FAM227B: variants seen among roughly 807,000 people sequenced by gnomAD.
FAM227B encodes the protein protein FAM227B.
FAM227B carries 88 observed loss-of-function variants against 73.8 expected under a neutral mutation model. The ratio of observed to expected loss-of-function variants is 1.19; its 90% CI spans 1.00 to 1.42. The LOEUF (loss-of-function observed/expected upper bound fraction) is 1.42, where lower values mean the gene tolerates loss of function less well. FAM227B is among the 40% of genes most tolerant of loss of function. The pLI is 0.00. For synonymous variants in FAM227B, 210 were observed against 190.5 expected (o/e 1.10, Z -0.84); for missense variants, 632 against 590.9 (o/e 1.07, Z -0.72).
chr15:49,512,754 C>T (rs2059101438), intron 10 of FAM227B, among the ~76,000 whole-genome samples: 1 of 152,066 alleles, frequency 6.6e-6, no homozygotes, highest in Non-Finnish European at 1.5e-5. Context: ...TCACCTCACC[C>T]TCTCCCCACT....
intron 9 of FAM227B, among the ~76,000 whole-genome samples, chr15:49,551,036 C>T (rs1054759541): frequency 1.3e-5 from 2 of 152,230 alleles, no homozygotes; most frequent in Admixed American, 1.3e-4. Flanking sequence ...TCCCGGCACC[C>T]CGGGAGGCCG....
Position 49,405,842 on chromosome 15 carries a change from G to A in FAM227B, c.1013-34443C>T, listed in dbSNP as rs528461437. The stretch of plus-strand genomic sequence containing the variant: ...GGCACTCTGGCTTTTTGAGTTGTCA[G>A]GGTTCTTGAGCTGGTTCTTTCTCAT... On this transcript the variant is annotated intron_variant, in intron 11 of 15. Coordinates refer to ENST00000299338, the MANE Select transcript of FAM227B (RefSeq NM_152647.3). Among the ~76,000 whole-genome samples the A allele has an allele frequency of 5.5e-4, 84 of 152,280 alleles. 1 individual carries two copies. The highest frequency in any genetic ancestry group is 4.8e-3 in the Admixed American group (73 of 15,294).
intron 9 of FAM227B, among the ~76,000 whole-genome samples, chr15:49,554,259 G>GGGTT (rs1297690188): frequency 1.3e-5 from 2 of 152,132 alleles, no homozygotes; most frequent in Admixed American, 6.5e-5. Context: ...GTGCAGCCTG[G>GGGTT]GGTTATGAGA....
intron 1 of FAM227B, 62 bp from the exon 2 acceptor site, chr15:49,615,305 C>T (rs2078218426): frequency 1.3e-6 from 1 of 761,774 alleles, no homozygotes; most frequent in Admixed American, 1.9e-5. Context: ...TCCCTTTCCC[C>T]TCACCCACAA....
chr15:49,544,172 C>A (rs1019865141), intron 9 of FAM227B, among the ~76,000 whole-genome samples: 1 of 152,094 alleles, frequency 6.6e-6, no homozygotes, highest in South Asian at 2.1e-4. Flanking sequence ...TTTGTTTCAG[C>A]AGTGTTTTAT....
chr15:49,544,299 T>C (rs565720446), intron 9 of FAM227B, among the ~76,000 whole-genome samples: 1 of 152,320 alleles, frequency 6.6e-6, no homozygotes, highest in South Asian at 2.1e-4. Flanking sequence ...TTCATTTGAT[T>C]CTCAGCTTGG....
chr15:49,414,041 T>C (rs1190241108), intron 11 of FAM227B, among the ~76,000 whole-genome samples: 1 of 152,054 alleles, frequency 6.6e-6, no homozygotes, highest in South Asian at 2.1e-4. Flanking sequence ...TTTTAATATC[T>C]ATTATCCACC....
chr15:49,529,552 T>G (rs1188142422), intron 10 of FAM227B, among the ~76,000 whole-genome samples: 1 of 151,736 alleles, frequency 6.6e-6, no homozygotes, highest in Non-Finnish European at 1.5e-5. Flanking sequence ...TTACTTGAGA[T>G]AATTGTAGAT....
At chr15:49,531,882 T>G (rs1172314492) in intron 10 of FAM227B, among the ~76,000 whole-genome samples, 1 of 151,908 alleles carries the variant, frequency 6.6e-6, no homozygotes, top group Non-Finnish European at 1.5e-5. Flanking sequence ...TACATTGTTG[T>G]TGAATACTGC....
chr15:49,365,417 C>T (rs1596580417), intron 13 of FAM227B: 1 of 1,020,546 alleles, frequency 9.8e-7, no homozygotes, highest in Non-Finnish European at 1.6e-6. Context: ...AACTCTTCTA[C>T]AGTACGCAAG....
At chr15:49,427,288 C>T (rs2050211714) in intron 11 of FAM227B, among the ~76,000 whole-genome samples, 1 of 151,920 alleles carries the variant, frequency 6.6e-6, no homozygotes, top group African/African-American at 2.4e-5. Flanking sequence ...TGTTTACATT[C>T]CTCAATCATT....
chr15:49,613,873 G>A (rs895965750), intron 2 of FAM227B, among the ~76,000 whole-genome samples: 2 of 152,144 alleles, frequency 1.3e-5, no homozygotes, highest in African/African-American at 4.8e-5. Flanking sequence ...GAACTCTAGA[G>A]CTAGTCAAAT....
chr15:49,493,085 T>C (rs942271406), intron 11 of FAM227B, among the ~76,000 whole-genome samples: 2 of 151,964 alleles, frequency 1.3e-5, no homozygotes, highest in African/African-American at 2.4e-5. Flanking sequence ...TCTTCTTACC[T>C]AATGTCCCTC....
chr15:49,459,017 A>C (rs1210415787), intron 11 of FAM227B, among the ~76,000 whole-genome samples: 4 of 152,194 alleles, frequency 2.6e-5, no homozygotes, highest in Non-Finnish European at 5.9e-5. Flanking sequence ...CTATTAAAAA[A>C]CACACAAAAT....
intron 11 of FAM227B, among the ~76,000 whole-genome samples, chr15:49,372,217 C>T (rs1017700507): frequency 1.1e-3 from 156 of 142,488 alleles, no homozygotes; most frequent in African/African-American, 4.0e-3. Flanking sequence ...ATAAAATTCA[C>T]TTATAAATAA....
At chr15:49,597,387 G>T (rs957225075) in intron 3 of FAM227B, among the ~76,000 whole-genome samples, 2 of 151,926 alleles carry the variant, frequency 1.3e-5, no homozygotes, top group Non-Finnish European at 2.9e-5. Context: ...GGTCAACAAT[G>T]AAATCAAGAT....
intron 10 of FAM227B, among the ~76,000 whole-genome samples, chr15:49,534,236 A>G (rs1315862366): frequency 1.3e-5 from 2 of 151,664 alleles, no homozygotes; most frequent in African/African-American, 2.4e-5. Flanking sequence ...TGATTCAGAC[A>G]CCTCCCAATA....
At chr15:49,425,831 G>C (rs2050079912) in intron 11 of FAM227B, among the ~76,000 whole-genome samples, 1 of 151,486 alleles carries the variant, frequency 6.6e-6, no homozygotes, top group South Asian at 2.1e-4. Context: ...TTATTACTGA[G>C]ATTAATAAAG....
intron 11 of FAM227B, among the ~76,000 whole-genome samples, chr15:49,442,973 T>C (rs2051814164): frequency 1.3e-5 from 2 of 151,838 alleles, no homozygotes; most frequent in South Asian, 4.1e-4. Flanking sequence ...ATAGTTTCTA[T>C]CTCGAACTCT....
Sources: gnomAD v4.1 joint callset for allele counts (sites outside exome capture counted in the v4.1 genomes callset) on GRCh38, gnomAD v4.1.1 for gene constraint, MANE v1.5 for transcripts, NCBI Gene and HGNC (gene_info 2026-07-23, HGNC 2026-07-21) for gene names.